The following PLSCR2 variants were observed in gnomAD, a reference collection of about 807,000 sequenced individuals.
The protein encoded by PLSCR2 is phospholipid scramblase 2.
Under a neutral mutation model 25.3 loss-of-function variants are expected in PLSCR2, and 18 were observed. The ratio of observed to expected loss-of-function variants is 0.71; its 90% confidence interval spans 0.49 to 1.06. The LOEUF (loss-of-function observed/expected upper bound fraction) is 1.06, where lower values mean the gene tolerates loss of function less well. Ranked by LOEUF, PLSCR2 falls within the 50% of genes least tolerant of loss-of-function variation. The pLI, the probability that PLSCR2 is intolerant of heterozygous loss-of-function variation, is 0.00. For missense variants in PLSCR2, 243 were observed against 269.5 expected, an observed-to-expected ratio of 0.90 and a Z score of 0.69; for synonymous variants, 88 against 87.3, an observed-to-expected ratio of 1.01 and a Z score of -0.04.
intron 2 of PLSCR2, among the ~76,000 whole-genome samples, chr3:146,399,890 T>G (rs917951555): frequency 1.3e-5 from 2 of 151,756 alleles, no homozygotes; most frequent in African/African-American, 4.8e-5. Flanking sequence ...GGAAGACTGC[T>G]AAGTCAATAT....
intron 2 of PLSCR2, among the ~76,000 whole-genome samples, chr3:146,402,873 C>G (rs1285223397): frequency 6.6e-6 from 1 of 152,070 alleles, no homozygotes; most frequent in Non-Finnish European, 1.5e-5. Context: ...CTATCCTGTG[C>G]CAACACATAT....
intron 5 of PLSCR2, among the ~76,000 whole-genome samples, chr3:146,450,330 G>A (rs2040819738): frequency 6.6e-6 from 1 of 152,152 alleles, no homozygotes; most frequent in Admixed American, 6.5e-5. Flanking sequence ...GATAAATGTA[G>A]GGAAACTGAA....
chr3:146,452,273 T>C (rs950766087), intron 5 of PLSCR2, among the ~76,000 whole-genome samples: 1 of 150,618 alleles, frequency 6.6e-6, no homozygotes, highest in Non-Finnish European at 1.5e-5. Context: ...GAAGTATGAG[T>C]AAAAAAAAAG....
chr3:146,434,329 A>G (rs2039694859), intron 8 of PLSCR2, among the ~76,000 whole-genome samples: 1 of 152,176 alleles, frequency 6.6e-6, no homozygotes, highest in Non-Finnish European at 1.5e-5. Flanking sequence ...CAGGTATTCC[A>G]CTTTTCAAAT....
Position 146,393,939 on chromosome 3 carries a change from G to A in PLSCR2, c.*145+1821C>T, listed in dbSNP as rs139729319. ...AAATGAAGAGATGTGAGTAAATTCC[G>A]CATTTTGATGATGGGTTTGTCATTC... is the stretch of plus-strand genomic sequence containing the variant. On this transcript the variant is annotated intron_variant and NMD_transcript_variant, in intron 3 of 3. Transcript: ENST00000463633. Among the ~76,000 whole-genome samples the A allele has an allele frequency of 1.1e-4, 17 of 151,650 alleles. No individual in the cohort carries two copies. The East Asian group carries it at 2.5e-3, about 22-fold the overall frequency.
upstream of PLSCR2, chr3:146,463,755 C>T (rs540923994): frequency 4.5e-5 from 22 of 488,100 alleles, no homozygotes; most frequent in African/African-American, 4.2e-4. Flanking sequence ...CTGTGCAATC[C>T]TAAGTGGTAA....
intron 2 of PLSCR2, among the ~76,000 whole-genome samples, chr3:146,406,992 C>T (rs1190056739): frequency 2.0e-5 from 3 of 152,122 alleles, no homozygotes; most frequent in Admixed American, 6.5e-5. Flanking sequence ...CATCTCTTAG[C>T]TTAGGCAAGA....
chr3:146,450,614 G>A (rs1392774989), intron 5 of PLSCR2, among the ~76,000 whole-genome samples: 3 of 152,202 alleles, frequency 2.0e-5, no homozygotes, highest in African/African-American at 4.8e-5. Context: ...CAGGTAAATA[G>A]CTACTAGAAA....
chr3:146,469,543 G>T, intron 1 of PLSCR2: 8 of 985,434 alleles, frequency 8.1e-6, no homozygotes, highest in Non-Finnish European at 9.6e-6. Flanking sequence ...CGAGGTCCTA[G>T]CGTGGCTTCC....
At chr3:146,476,420 T>C (rs2042287524) in intron 1 of PLSCR2, among the ~76,000 whole-genome samples, 1 of 152,212 alleles carries the variant, frequency 6.6e-6, no homozygotes, top group Non-Finnish European at 1.5e-5. Context: ...TGTGAGCCCA[T>C]GCTACCAGGG....
upstream of PLSCR2, among the ~76,000 whole-genome samples, chr3:146,462,946 T>C (rs981198198): frequency 2.6e-5 from 4 of 152,092 alleles, no homozygotes; most frequent in African/African-American, 2.4e-5. Flanking sequence ...GCTCCAGGAA[T>C]GGTTCAGCTA....
intron 5 of PLSCR2, among the ~76,000 whole-genome samples, chr3:146,451,407 G>A (rs1275526880): frequency 6.6e-6 from 1 of 151,960 alleles, no homozygotes; most frequent in Non-Finnish European, 1.5e-5. Context: ...CACCGTGCCC[G>A]GCCTACATTA....
chr3:146,466,828 A>G (rs1284053832), intron 1 of PLSCR2, among the ~76,000 whole-genome samples: 1 of 152,180 alleles, frequency 6.6e-6, no homozygotes, highest in Non-Finnish European at 1.5e-5. Context: ...TCATTGAATA[A>G]AAAACAAACA....
At chr3:146,443,057 T>G (rs568251302) in intron 6 of PLSCR2, among the ~76,000 whole-genome samples, 9 of 152,174 alleles carry the variant, frequency 5.9e-5, no homozygotes, top group Admixed American at 5.2e-4. Context: ...AAACCATGTA[T>G]CTGATAAGTG....
chr3:146,428,684 T>C (rs77145866), downstream of PLSCR2, among the ~76,000 whole-genome samples: 2,151 of 152,288 alleles, frequency 0.014, 24 homozygotes, highest in Non-Finnish European at 0.023. Flanking sequence ...GGCTTCTGCA[T>C]TTTGATGCTA....
Position 146,454,096 on chromosome 3 carries a change from G to C in PLSCR2, c.389C>G (p.Thr130Arg), listed in dbSNP as rs141636818. 7,592 of 1,609,840 alleles carry C rather than the reference G, an allele frequency of 4.7e-3. 23 individuals are homozygous for C. Among genetic ancestry groups the C allele is most frequent in the Admixed American group, 9.1e-3 (537 of 59,328 alleles). The stretch of plus-strand genomic sequence containing the variant: ...TTTCTGATTTTTAATTGTAAACTTT[G>C]TTAGACATGGGTGCCAGGTCTGAGT... The change falls in exon 5 of 7, where the codon ACA becomes AGA. Residue 130 changes from threonine (T) to arginine (R), a missense_variant. Thr to Arg is a moderately conservative substitution (Grantham distance 71, BLOSUM62 -1). Coordinates refer to ENST00000610787, the Ensembl canonical transcript of PLSCR2.
chr3:146,430,274 A>G (rs2039500948), downstream of PLSCR2, among the ~76,000 whole-genome samples: 1 of 152,206 alleles, frequency 6.6e-6, no homozygotes, highest in African/African-American at 2.4e-5. Flanking sequence ...ATACAGGTAG[A>G]TACTACTATC....
intron 1 of PLSCR2, among the ~76,000 whole-genome samples, chr3:146,470,698 G>C (rs1390204715): frequency 1.3e-5 from 2 of 152,092 alleles, no homozygotes; most frequent in African/African-American, 4.8e-5. Flanking sequence ...TAAGAGAGGT[G>C]GGGGGAGGGA....
At chr3:146,438,089 T>A (rs1032296616), downstream of PLSCR2, among the ~76,000 whole-genome samples, 5 of 152,186 alleles carry the variant, frequency 3.3e-5, no homozygotes, top group African/African-American at 1.2e-4. Flanking sequence ...CAGTTTTGAG[T>A]GAGTTTCTTA....
Sources: allele counts gnomAD v4.1 joint callset (sites outside exome capture counted in the v4.1 genomes callset), GRCh38; gene constraint gnomAD v4.1.1; transcripts MANE v1.5; gene names NCBI Gene and HGNC (gene_info 2026-07-23, HGNC 2026-07-21).